The following PDLIM1 variants were observed in gnomAD, a reference collection of about 807,000 sequenced individuals.
PDLIM1 encodes PDZ and LIM domain protein 1.
A neutral mutation model predicts 35.2 loss-of-function variants in PDLIM1; 25 were observed. That is an observed-to-expected ratio of 0.71 (90% confidence interval 0.52 to 0.99). The LOEUF is 0.99. Among genes scored for constraint, PDLIM1 ranks in the 50% least tolerant of loss-of-function variants. The pLI, the probability that PDLIM1 is intolerant of heterozygous loss-of-function variation, is 0.00. For missense variants in PDLIM1, 363 were observed against 415.3 expected (o/e 0.87, Z 1.09); for synonymous variants, 152 against 154.0 (o/e 0.99, Z 0.10).
Position 95,283,847 on chromosome 10 carries a change from G to A in PDLIM1, c.96+6973C>T, listed in dbSNP as rs543852863. Among the ~76,000 whole-genome samples the A allele has an allele frequency of 6.2e-4, 94 of 152,262 alleles. 1 individual carries two copies. The highest frequency in any genetic ancestry group is 2.1e-3 in the African/African-American group (88 of 41,538). ...TGAACTGCTAAACCTCCCTGTGCCC[G>A]CCTTCCGTCACTGACCTTCCGGCAA... On this transcript the variant is annotated intron_variant, in intron 1 of 6. Coordinates refer to ENST00000329399, the MANE Select transcript of PDLIM1 (RefSeq NM_020992.4).
Position 95,238,168 on chromosome 10 carries a change from C to A in PDLIM1, c.804-57G>T. On this transcript the variant is annotated intron_variant, in intron 6 of 6. Transcript: ENST00000329399. ...CAGTGACAAGCACCTGCAGGTGGCA[C>A]CTGAGCAGGTGGCACCATCCTTCCT... 2.0e-6 allele frequency: 3 copies of A among 1,506,646 alleles called. No homozygotes were observed. In the East Asian group the frequency reaches 7.0e-5, roughly 35 times the overall value. The allele number at this position is 1,506,646 out of a possible 1,614,324, so 93.3% of individuals were successfully genotyped here. A position where few individuals can be genotyped will look rare whatever the true frequency, so the allele number is the denominator to read the frequency against.
chr10:95,252,404 A>T (rs1020628506), intron 4 of PDLIM1, among the ~76,000 whole-genome samples: 8 of 152,222 alleles, frequency 5.3e-5, no homozygotes, highest in African/African-American at 1.9e-4. Context: ...ATGAGGCAGC[A>T]TCCCCAATCC....
chr10:95,279,155 T>G (rs2035539392), intron 1 of PDLIM1, among the ~76,000 whole-genome samples: 1 of 152,204 alleles, frequency 6.6e-6, no homozygotes, highest in Non-Finnish European at 1.5e-5. Flanking sequence ...TGGGCCTAGA[T>G]TCCCATATGG....
At position 95,247,233 on chromosome 10, in the gene PDLIM1, G is replaced by A; in HGVS notation, c.667C>T (p.Leu223=). The change falls in exon 5 of 7, where the codon CTG becomes TTG. Residue 223 remains leucine (L), a synonymous_variant. Coordinates refer to ENST00000329399, the MANE Select transcript of PDLIM1 (RefSeq NM_020992.4). ...STSFLVLQEI[L]ESEEKGDPNK... is the part of the protein sequence containing the mutation. ...TGATTACCTTTTTCTTCAGACTCCA[G>A]GATTTCCTGCAAAACCAAGAAAGAC... The A allele has an allele frequency of 6.2e-7, 1 of 1,613,766 alleles. No homozygotes were observed. The highest frequency in any genetic ancestry group is 8.5e-7 in the Non-Finnish European group (1 of 1,179,940).
chr10:95,271,517 A>G, intron 2 of PDLIM1, 116 bp downstream of exon 2: 1 of 756,714 alleles, frequency 1.3e-6, no homozygotes, highest in Non-Finnish European at 2.1e-6. Context: ...TGCCTATAGT[A>G]TATACATGGC....
chr10:95,265,269 G>T (rs1277988138), intron 3 of PDLIM1, among the ~76,000 whole-genome samples: 3 of 151,620 alleles, frequency 2.0e-5, no homozygotes, highest in Admixed American at 1.3e-4. Flanking sequence ...TAAAATAAAA[G>T]AAAACAACCT....
At chr10:95,282,779 C>T (rs1469512735) in intron 1 of PDLIM1, among the ~76,000 whole-genome samples, 1 of 152,096 alleles carries the variant, frequency 6.6e-6, no homozygotes, top group East Asian at 1.9e-4. Context: ...CCCATCTCTA[C>T]TAAAAATACA....
intron 4 of PDLIM1, among the ~76,000 whole-genome samples, chr10:95,251,142 C>T (rs1018550020): frequency 4.6e-5 from 7 of 151,992 alleles, no homozygotes; most frequent in Non-Finnish European, 8.8e-5. Flanking sequence ...GCAGTACGCC[C>T]ATGGCTCTGG....
intron 3 of PDLIM1, among the ~76,000 whole-genome samples, chr10:95,265,211 TAAA>T (rs11353674): frequency 6.7e-6 from 1 of 148,876 alleles, no homozygotes; most frequent in Admixed American, 6.7e-5. Context: ...TATGCTTTCT[TAAA>T]AAAAAAAAAT....
At chr10:95,262,144 A>G (rs907374675) in intron 4 of PDLIM1, among the ~76,000 whole-genome samples, 19 of 152,158 alleles carry the variant, frequency 1.2e-4, no homozygotes, top group Admixed American at 1.2e-3. Context: ...ATATGCAAGG[A>G]ATGCCCAAGG....
Position 95,263,992 on chromosome 10 carries a change from A to G in PDLIM1, c.405T>C (p.Thr135=), listed in dbSNP as rs1334646898. ...ACTGGTTTGTGATGACCCTGGCAGT[A>G]GTGCTGGAGGCAGGCGAGGCGGTAA... The part of the protein sequence containing the change: ...MPFTASPASS[T]TARVITNQYN... The change falls in exon 4 of 7, where the codon ACT becomes ACC. Residue 135 remains threonine, a synonymous_variant. Coordinates refer to ENST00000329399, the MANE Select transcript of PDLIM1 (RefSeq NM_020992.4). 1 of 1,613,848 alleles carries G rather than the reference A, an allele frequency of 6.2e-7. No homozygotes were observed. Among genetic ancestry groups the G allele is most frequent in the Non-Finnish European group, 8.5e-7 (1 of 1,179,876 alleles).
intron 4 of PDLIM1, among the ~76,000 whole-genome samples, chr10:95,256,371 G>T (rs954047978): frequency 3.3e-5 from 5 of 152,022 alleles, no homozygotes; most frequent in Non-Finnish European, 2.9e-5. Context: ...AATCTCAAAG[G>T]ATCCTAAATA....
chr10:95,260,206 TTAGATCTCAGGAGACTG>T, intron 4 of PDLIM1, among the ~76,000 whole-genome samples: 1 of 152,236 alleles, frequency 6.6e-6, no homozygotes, highest in African/African-American at 2.4e-5. Context: ...TATTTCCACC[TTAGATCTCAGGAGACTG>T]AGTTTCAGAG....
intron 4 of PDLIM1, among the ~76,000 whole-genome samples, chr10:95,253,397 A>G (rs895885682): frequency 6.6e-6 from 1 of 152,168 alleles, no homozygotes; most frequent in South Asian, 2.1e-4. Context: ...AATAGACGAA[A>G]AAAAATAAAA....
intron 4 of PDLIM1, among the ~76,000 whole-genome samples, chr10:95,247,949 G>A (rs1282939960): frequency 1.3e-5 from 2 of 152,266 alleles, no homozygotes; most frequent in Admixed American, 6.5e-5. Flanking sequence ...GGACACGCAA[G>A]TGCTTTGTGA....
intron 2 of PDLIM1, among the ~76,000 whole-genome samples, chr10:95,269,730 ATTTT>A (rs1158844375): frequency 1.3e-5 from 2 of 151,538 alleles, no homozygotes; most frequent in African/African-American, 4.8e-5. Flanking sequence ...ATCTTTATTT[ATTTT>A]ATTTATTTAT....
chr10:95,243,046 G>A (rs7074994), intron 5 of PDLIM1, among the ~76,000 whole-genome samples: 6,729 of 152,184 alleles, frequency 0.044, 489 homozygotes, highest in African/African-American at 0.15. Flanking sequence ...GCTGCAAAAG[G>A]GTAGAATGAG....
rs557366486 is a variant in PDLIM1, at chr10:95,270,974, C to T, written c.248+659G>A. On this transcript the variant is annotated intron_variant, in intron 2 of 6. Transcript: ENST00000329399. ...CCATGTTGGCCAGGCTGGTCTCAAA[C>T]TCCAGACCTCAAGTGATTTGTCTGC... Among the ~76,000 whole-genome samples the T allele has an allele frequency of 5.3e-5, 8 of 151,648 alleles. No homozygotes were observed. In the East Asian group the frequency reaches 1.6e-3, roughly 30 times the overall value.
At chr10:95,248,180 T>TC (rs1348509945) in intron 4 of PDLIM1, among the ~76,000 whole-genome samples, 1 of 152,026 alleles carries the variant, frequency 6.6e-6, no homozygotes, top group Non-Finnish European at 1.5e-5. Context: ...CCTCCCCACC[T>TC]CCCCCAGGTC....
Sources: gnomAD v4.1 joint callset for allele counts (sites outside exome capture counted in the v4.1 genomes callset) on GRCh38, gnomAD v4.1.1 for gene constraint, MANE v1.5 for transcripts, NCBI Gene and HGNC (gene_info 2026-07-23, HGNC 2026-07-21) for gene names.